Variants in PCDHGB1 observed in about 807,000 individuals in gnomAD.
PCDHGB1 encodes the protein protocadherin gamma subfamily B, 1, also known as protocadherin gamma-B1.
Under a neutral mutation model 56.6 loss-of-function variants are expected in PCDHGB1, and 34 were observed. That is an observed-to-expected ratio of 0.60 (90% CI 0.46 to 0.80). PCDHGB1 has a LOEUF of 0.80. PCDHGB1 is among the 30% of genes least tolerant of loss of function. The probability of loss-of-function intolerance (pLI) is 0.00; values close to 1 mark genes in which losing one functional copy is unlikely to be tolerated. For synonymous variants in PCDHGB1, 561 were observed against 505.9 expected (o/e 1.11, Z -1.46); for missense variants, 1,278 against 1,204.6 (o/e 1.06, Z -0.90).
intron 1 of PCDHGB1, chr5:141,365,983 T>C (rs954488135): frequency 1.2e-6 from 2 of 1,614,234 alleles, no homozygotes; most frequent in South Asian, 2.2e-5. Flanking sequence ...TGAGCCTGTT[T>C]GTGCTGGACC....
chr5:141,494,491 T>C (rs2099754727), intron 1 of PCDHGB1, among the ~76,000 whole-genome samples: 1 of 152,150 alleles, frequency 6.6e-6, no homozygotes, highest in Admixed American at 6.5e-5. Context: ...AGAAGATGCC[T>C]TCAGTCCTTG....
At chr5:141,372,809 G>T in intron 1 of PCDHGB1, 3 of 1,587,730 alleles carry the variant, frequency 1.9e-6, no homozygotes, top group Non-Finnish European at 2.6e-6. Context: ...ATTTGCAAAA[G>T]GTGAGTTTCT....
At chr5:141,474,156 A>C (rs1387216017) in intron 1 of PCDHGB1, among the ~76,000 whole-genome samples, 1 of 152,244 alleles carries the variant, frequency 6.6e-6, no homozygotes, top group East Asian at 1.9e-4. Flanking sequence ...CAAGAAAATG[A>C]CAGGCCTTAT....
chr5:141,363,560 T>C (rs1191147293), intron 1 of PCDHGB1, among the ~76,000 whole-genome samples: 1 of 152,198 alleles, frequency 6.6e-6, no homozygotes, highest in East Asian at 1.9e-4. Context: ...AACATGGTAA[T>C]AGAAAAACAT....
chr5:141,447,885 A>T (rs2098554278), intron 1 of PCDHGB1, among the ~76,000 whole-genome samples: 1 of 152,134 alleles, frequency 6.6e-6, no homozygotes, highest in Admixed American at 6.6e-5. Context: ...CAGGAGTTCG[A>T]GACCAGCCTG....
intron 2 of PCDHGB1, among the ~76,000 whole-genome samples, chr5:141,500,311 C>T (rs2099799036): frequency 2.0e-5 from 3 of 152,072 alleles, no homozygotes; most frequent in African/African-American, 7.2e-5. Context: ...CAGGTTCACG[C>T]CATGCTCCTG....
chr5:141,372,270 G>T, intron 1 of PCDHGB1: 1 of 1,613,182 alleles, frequency 6.2e-7, no homozygotes, highest in Non-Finnish European at 8.5e-7. Context: ...CACGGGTGAG[G>T]TGCGCACGGC....
Position 141,477,148 on chromosome 5 carries a change from T to A in PCDHGB1, c.2410-17659T>A. 1 of 1,614,172 alleles carries A rather than the reference T, an allele frequency of 6.2e-7. No individual in the cohort carries two copies. Among genetic ancestry groups the A allele is most frequent in the African/African-American group, 1.3e-5 (1 of 75,050 alleles). On this transcript the variant is annotated intron_variant, in intron 1 of 3. Transcript: ENST00000523390. This position sits in a 1 kb window ranked among gnomAD's most constrained non-coding sequence, Gnocchi z 4.9. ...GCAAAGTGTTGGTGGAGGTTGTGGA[T>A]GTGAATGACAACGCCCCGGAGATCA...
At chr5:141,434,462 C>T (rs2097695951) in intron 1 of PCDHGB1, among the ~76,000 whole-genome samples, 1 of 152,156 alleles carries the variant, frequency 6.6e-6, no homozygotes, top group Non-Finnish European at 1.5e-5. Flanking sequence ...GTGGGTTTAC[C>T]GGAATGAGGG....
intron 2 of PCDHGB1, among the ~76,000 whole-genome samples, chr5:141,497,578 T>C (rs2099778035): frequency 1.3e-5 from 2 of 150,806 alleles, no homozygotes; most frequent in South Asian, 4.2e-4. Context: ...CTTGCTCTGT[T>C]GCCCAAGCTG....
intron 1 of PCDHGB1, chr5:141,428,402 G>T (rs899477196): frequency 1.7e-5 from 8 of 479,776 alleles, no homozygotes; most frequent in African/African-American, 1.4e-4. Flanking sequence ...TCTGCCTGGG[G>T]TTGCTTTCAC....
chr5:141,419,872 A>G (rs1354880437), intron 1 of PCDHGB1: 1 of 1,614,094 alleles, frequency 6.2e-7, no homozygotes, highest in Admixed American at 1.7e-5. Flanking sequence ...TGCAAGAGGT[A>G]CTGCCGGATT....
At chr5:141,418,868 G>A in intron 1 of PCDHGB1, 2 of 1,613,998 alleles carry the variant, frequency 1.2e-6, no homozygotes, top group Non-Finnish European at 1.7e-6. Flanking sequence ...AATTGTAGAA[G>A]TTGTAGACGA....
Position 141,486,277 on chromosome 5 carries a change from G to A in PCDHGB1, c.2410-8530G>A, listed in dbSNP as rs1156704202. 6.2e-7 allele frequency: 1 copy of A among 1,614,020 alleles called. No individual in the cohort carries two copies. The highest frequency in any genetic ancestry group is 1.1e-5 in the South Asian group (1 of 91,056). ...CCGAGAGTGCAGAACCTGGCACTGT[G>A]GTGGCACTTATCAGTGTGCAGGATC... On this transcript the variant is annotated intron_variant, in intron 1 of 3. Transcript: ENST00000523390. The surrounding 1 kb of genome is among the most constrained non-coding windows in gnomAD (Gnocchi z 5.0).
intron 1 of PCDHGB1, chr5:141,362,451 G>A (rs1762506197): frequency 4.3e-6 from 7 of 1,613,994 alleles, no homozygotes; most frequent in South Asian, 1.1e-5. Flanking sequence ...ACATAACCCC[G>A]GAATTGGTTC....
rs200117787 is a variant in PCDHGB1, at chr5:141,477,443, G to T, written c.2410-17364G>T. ...CCCTTCCCTCTCAGCCCTTACAATA[G>T]TGCGTGTTCAAGTGTCCGACATCAA... On this transcript the variant is annotated intron_variant, in intron 1 of 3. Coordinates refer to ENST00000523390, the MANE Select transcript of PCDHGB1 (RefSeq NM_018922.3). This position sits in a 1 kb window ranked among gnomAD's most constrained non-coding sequence, Gnocchi z 4.9. The T allele has an allele frequency of 1.7e-5, 28 of 1,614,136 alleles. No homozygotes were observed. In the East Asian group the frequency reaches 6.2e-4, roughly 36 times the overall value.
At position 141,372,541 on chromosome 5, in the gene PCDHGB1, G is replaced by C. The variant is rs376822583; in HGVS notation, c.2409+19872G>C. Reference sequence around the variant, plus strand: ...ATTCTGGCAATCTCCCTGCGCCTGCGATGCTCCTCCAGACCCGCCACTGAG... The same window carrying C: ...ATTCTGGCAATCTCCCTGCGCCTGCCATGCTCCTCCAGACCCGCCACTGAG... On this transcript the variant is annotated intron_variant, in intron 1 of 3. Transcript: ENST00000523390. 2.5e-6 allele frequency: 4 copies of C among 1,613,980 alleles called. No individual in the cohort carries two copies. The South Asian group carries it at 4.4e-5, about 18-fold the overall frequency.
At chr5:141,413,592 A>G in intron 1 of PCDHGB1, 1 of 1,613,916 alleles carries the variant, frequency 6.2e-7, no homozygotes, top group Non-Finnish European at 8.5e-7. Context: ...AATTCCAAGC[A>G]GAAAATCTAG....
chr5:141,366,150 G>T, intron 1 of PCDHGB1: 4 of 1,614,136 alleles, frequency 2.5e-6, no homozygotes, highest in Non-Finnish European at 3.4e-6. Flanking sequence ...CTGTCCTACC[G>T]CCTGCTTAAG....
Sources: gnomAD v4.1 joint callset for allele counts (sites outside exome capture counted in the v4.1 genomes callset) on GRCh38, gnomAD v4.1.1 for gene constraint, Gnocchi (gnomAD v3.1) non-coding constraint, MANE v1.5 for transcripts, NCBI Gene and HGNC (gene_info 2026-07-23, HGNC 2026-07-21) for gene names.